MYRIP: variants seen among roughly 807,000 people sequenced by gnomAD.
MYRIP encodes myosin VIIA and Rab interacting protein.
Under a neutral mutation model 98.0 loss-of-function variants are expected in MYRIP, and 49 were observed. The observed-to-expected ratio is 0.50, with a 90% CI of 0.40 to 0.63. The LOEUF (loss-of-function observed/expected upper bound fraction) is 0.63. Among genes scored for constraint, MYRIP ranks in the 30% least tolerant of loss-of-function variants. MYRIP has a pLI of 0.00. For missense variants in MYRIP, 1,004 were observed against 1,058.2 expected (o/e 0.95, Z 0.71); for synonymous variants, 404 against 409.5 (o/e 0.99, Z 0.16).
At chr3:40,109,683 C>A (rs1044896441) in intron 3 of MYRIP, among the ~76,000 whole-genome samples, 1 of 152,182 alleles carries the variant, frequency 6.6e-6, no homozygotes, top group African/African-American at 2.4e-5. Context: ...ACCCTGTGTC[C>A]TTCTTCCTGG....
chr3:39,894,942 A>G (rs1011208384), intron 1 of MYRIP, among the ~76,000 whole-genome samples: 13 of 152,248 alleles, frequency 8.5e-5, no homozygotes, highest in Non-Finnish European at 1.5e-4. Flanking sequence ...GTATATAAGT[A>G]CCTGTGTTCC....
chr3:40,016,890 C>G (rs761152748), intron 2 of MYRIP, among the ~76,000 whole-genome samples: 3 of 152,186 alleles, frequency 2.0e-5, no homozygotes, highest in Non-Finnish European at 4.4e-5. Flanking sequence ...GCCAGAGTTG[C>G]TGGGCAGGGC....
chr3:40,157,872 T>G (rs1239169459), intron 4 of MYRIP, among the ~76,000 whole-genome samples: 1 of 152,056 alleles, frequency 6.6e-6, no homozygotes, highest in African/African-American at 2.4e-5. Flanking sequence ...TGCGTCTATT[T>G]GATTCTTCTC....
intron 9 of MYRIP, among the ~76,000 whole-genome samples, chr3:40,188,369 C>T (rs72856976): frequency 0.075 from 11,463 of 152,046 alleles, 1,418 homozygotes; most frequent in African/African-American, 0.26. Flanking sequence ...CTGCTACAGG[C>T]CTTAAGCCCC....
At chr3:40,244,795 C>A (rs1953136482) in intron 13 of MYRIP, among the ~76,000 whole-genome samples, 188 bp downstream of exon 13, 1 of 152,172 alleles carries the variant, frequency 6.6e-6, no homozygotes, top group Non-Finnish European at 1.5e-5. Context: ...CTCTTCTCTG[C>A]CAAATTAAAG....
chr3:39,950,608 C>T (rs1312577004), intron 2 of MYRIP, among the ~76,000 whole-genome samples: 1 of 152,112 alleles, frequency 6.6e-6, no homozygotes, highest in Non-Finnish European at 1.5e-5. Context: ...GCTAGGATGA[C>T]TGGGTCTCTC....
At chr3:40,133,023 T>G (rs954098114) in intron 3 of MYRIP, among the ~76,000 whole-genome samples, 2 of 152,216 alleles carry the variant, frequency 1.3e-5, no homozygotes, top group Non-Finnish European at 2.9e-5. Flanking sequence ...TAGACTGACA[T>G]GTGGTCAGAG....
intron 1 of MYRIP, among the ~76,000 whole-genome samples, chr3:39,896,835 G>A (rs1030444288): frequency 7.9e-5 from 12 of 151,664 alleles, no homozygotes; most frequent in Non-Finnish European, 1.3e-4. Flanking sequence ...TATGTACTAA[G>A]TATTCTTGTA....
intron 13 of MYRIP, among the ~76,000 whole-genome samples, chr3:40,245,458 C>G (rs1474579440): frequency 6.6e-6 from 1 of 151,794 alleles, no homozygotes; most frequent in Admixed American, 6.6e-5. Flanking sequence ...ACCATCCTGG[C>G]TAACACAGTG....
At chr3:40,244,314 T>C in intron 12 of MYRIP, 132 bp from the exon 13 acceptor site, 1 of 717,088 alleles carries the variant, frequency 1.4e-6, no homozygotes, top group Non-Finnish European at 2.1e-6. Context: ...ATAAATGTTA[T>C]AAAAATAACA....
chr3:39,865,908 A>G (rs1942606095), intron 1 of MYRIP, among the ~76,000 whole-genome samples: 2 of 152,174 alleles, frequency 1.3e-5, no homozygotes, highest in Admixed American at 6.5e-5. Flanking sequence ...TAGCAAAGTC[A>G]TGGACTCAAC....
At chr3:39,851,383 T>A (rs1168025953) in intron 1 of MYRIP, among the ~76,000 whole-genome samples, 1 of 152,180 alleles carries the variant, frequency 6.6e-6, no homozygotes, top group East Asian at 1.9e-4. Context: ...AATCACTGGT[T>A]TAGTCCACAG....
intron 3 of MYRIP, among the ~76,000 whole-genome samples, chr3:40,062,710 C>T (rs1346330691): frequency 1.3e-5 from 2 of 151,990 alleles, no homozygotes; most frequent in Non-Finnish European, 2.9e-5. Context: ...TGCCAGGCAC[C>T]GTGGAAAAAA....
chr3:39,884,811 T>A (rs974496263), intron 1 of MYRIP, among the ~76,000 whole-genome samples: 1 of 149,706 alleles, frequency 6.7e-6, no homozygotes, highest in Non-Finnish European at 1.5e-5. Flanking sequence ...TCATTATTAT[T>A]TTTTTTTTTT....
intron 11 of MYRIP, among the ~76,000 whole-genome samples, chr3:40,218,624 A>ATATATATATATATATTT (rs1952219059): frequency 8.1e-5 from 1 of 12,270 alleles, no homozygotes; most frequent in African/African-American, 1.3e-4. Context: ...ATATATATAT[A>ATATATATATATATATTT]TATATATATA....
chr3:40,121,478 C>T (rs1347054330), intron 3 of MYRIP, among the ~76,000 whole-genome samples: 1 of 152,012 alleles, frequency 6.6e-6, no homozygotes, highest in African/African-American at 2.4e-5. Context: ...TTCTTCTGCT[C>T]CCCCATCCCA....
chr3:40,009,076 T>G (rs1293063117), intron 2 of MYRIP, among the ~76,000 whole-genome samples: 1 of 151,890 alleles, frequency 6.6e-6, no homozygotes, highest in Non-Finnish European at 1.5e-5. Flanking sequence ...CAACACAGAG[T>G]GTTCCCTGCT....
chr3:39,978,852 A>G (rs1945816631), intron 2 of MYRIP, among the ~76,000 whole-genome samples: 1 of 151,504 alleles, frequency 6.6e-6, no homozygotes, highest in Non-Finnish European at 1.5e-5. Context: ...TCACCAGAAT[A>G]TATCACTTAG....
chr3:40,133,985 C>T (rs956932816), intron 3 of MYRIP, among the ~76,000 whole-genome samples: 1 of 152,186 alleles, frequency 6.6e-6, no homozygotes, highest in African/African-American at 2.4e-5. Context: ...TTCTCCATTT[C>T]CAACTGAGGT....
Sources: allele counts gnomAD v4.1 joint callset (sites outside exome capture counted in the v4.1 genomes callset), GRCh38; gene constraint gnomAD v4.1.1; transcripts MANE v1.5; gene names NCBI Gene and HGNC (gene_info 2026-07-23, HGNC 2026-07-21).